The following RIMS2 variants were observed in gnomAD, a reference collection of about 807,000 sequenced individuals.
RIMS2 encodes the protein regulating synaptic membrane exocytosis protein 2.
A neutral mutation model predicts 174.4 loss-of-function variants in RIMS2; 59 were observed. The ratio of observed to expected loss-of-function variants is 0.34; its 90% CI spans 0.27 to 0.42. The LOEUF (loss-of-function observed/expected upper bound fraction) is 0.42, where lower values mean the gene tolerates loss of function less well. RIMS2 is among the 10% of genes least tolerant of loss of function. The probability of loss-of-function intolerance (pLI) is 1.00; values close to 1 mark genes in which losing one functional copy is unlikely to be tolerated. For missense variants in RIMS2, 1,620 were observed against 1,666.3 expected (o/e 0.97, Z 0.48); for synonymous variants, 606 against 572.5 (o/e 1.06, Z -0.84).
At chr8:103,553,719 A>C (rs1177564144) in intron 1 of RIMS2, among the ~76,000 whole-genome samples, 1 of 152,086 alleles carries the variant, frequency 6.6e-6, no homozygotes, top group Non-Finnish European at 1.5e-5. Flanking sequence ...ATTCATATGG[A>C]ACCAAAAAAG....
At chr8:103,684,791 T>C (rs1311572904) in intron 1 of RIMS2, among the ~76,000 whole-genome samples, 4 of 151,958 alleles carry the variant, frequency 2.6e-5, no homozygotes. Flanking sequence ...TTCCCTATGT[T>C]GGCCAGGTTG....
Position 104,013,587 on chromosome 8 carries a change from G to A in RIMS2, c.3190G>A (p.Gly1064Arg), listed in dbSNP as rs768551592. Reference sequence around the variant, plus strand: ...GAGGTCGATGCCTTCATTAATGACTGGAAGATCTGCCCCTCCTTCACCTGC... The same window carrying A: ...GAGGTCGATGCCTTCATTAATGACTAGAAGATCTGCCCCTCCTTCACCTGC... Residue 1064 changes from glycine (G) to arginine (R), a missense_variant, in exon 18 of 24, where the codon GGA (glycine) becomes AGA (arginine). This residue lies in a region of RIMS2 where 1,395 missense variants were observed against 1,360.1 expected (regional missense o/e 1.03). Coordinates refer to ENST00000504942, the Ensembl canonical transcript of RIMS2. The A allele has an allele frequency of 4.3e-6, 7 of 1,613,680 alleles. No homozygotes were observed. In the South Asian group the frequency reaches 7.7e-5, roughly 18 times the overall value.
At chr8:104,023,288 C>CTT (rs77488661) in intron 19 of RIMS2, among the ~76,000 whole-genome samples, 4 of 145,416 alleles carry the variant, frequency 2.8e-5, no homozygotes, top group Non-Finnish European at 1.5e-5. Context: ...CACAATACCA[C>CTT]TTTTTTTTTT....
chr8:103,661,152 G>C (rs2136086671), intron 1 of RIMS2, among the ~76,000 whole-genome samples: 1 of 152,286 alleles, frequency 6.6e-6, no homozygotes, highest in South Asian at 2.1e-4. Flanking sequence ...GTTCTGTATT[G>C]TTTTGCTCAA....
intron 3 of RIMS2, chr8:103,768,188 T>C (rs2098201317): frequency 8.0e-6 from 3 of 376,030 alleles, no homozygotes; most frequent in Non-Finnish European, 1.5e-5. Context: ...CCAGTGGAGA[T>C]AGAATTTTTA....
intron 2 of RIMS2, among the ~76,000 whole-genome samples, chr8:103,705,833 TC>T: frequency 6.6e-6 from 1 of 151,728 alleles, no homozygotes. Flanking sequence ...TATATTTGGA[TC>T]TTTTTTTTTT....
chr8:103,567,259 T>C (rs2092435093), intron 1 of RIMS2, among the ~76,000 whole-genome samples: 2 of 152,172 alleles, frequency 1.3e-5, no homozygotes, highest in African/African-American at 4.8e-5. Context: ...CTATCCAGTT[T>C]TGGAATATTT....
At chr8:104,236,816 A>T (rs2099261420) in intron 19 of RIMS2, among the ~76,000 whole-genome samples, 1 of 152,134 alleles carries the variant, frequency 6.6e-6, no homozygotes, top group Non-Finnish European at 1.5e-5. Flanking sequence ...GTAATGTGGT[A>T]TCCTGGATCA....
chr8:103,913,794 C>T (rs768047877), intron 6 of RIMS2, among the ~76,000 whole-genome samples: 6 of 152,006 alleles, frequency 3.9e-5, no homozygotes, highest in Non-Finnish European at 7.4e-5. Flanking sequence ...TTTAAATGAC[C>T]AGATCTTGCA....
At chr8:103,619,239 T>C (rs1319309922) in intron 1 of RIMS2, among the ~76,000 whole-genome samples, 1 of 150,650 alleles carries the variant, frequency 6.6e-6, no homozygotes, top group Non-Finnish European at 1.5e-5. Context: ...TAGTAAAATT[T>C]ATTAGTGTCT....
intron 15 of RIMS2, among the ~76,000 whole-genome samples, chr8:103,972,103 G>A (rs1217166240): frequency 6.6e-6 from 1 of 151,990 alleles, no homozygotes; most frequent in Non-Finnish European, 1.5e-5. Context: ...ACTCCCAAAT[G>A]TATATCTCCA....
intron 19 of RIMS2, among the ~76,000 whole-genome samples, chr8:104,106,915 ATTGTTAGATGCCATAACAT>A (rs2098080794): frequency 6.6e-6 from 1 of 152,160 alleles, no homozygotes; most frequent in East Asian, 1.9e-4. Flanking sequence ...CATGAGTATT[ATTGTTAGATGCCATAACAT>A]CAGTATAGTG....
chr8:104,120,607 G>T (rs1350656104), intron 19 of RIMS2, among the ~76,000 whole-genome samples: 3 of 151,990 alleles, frequency 2.0e-5, no homozygotes, highest in Non-Finnish European at 2.9e-5. Context: ...TCATTATTTT[G>T]GTTCATTTTA....
intron 19 of RIMS2, among the ~76,000 whole-genome samples, chr8:104,055,158 C>T (rs2096848354): frequency 6.6e-6 from 1 of 152,000 alleles, no homozygotes; most frequent in Admixed American, 6.5e-5. Flanking sequence ...GCCTCTTTGT[C>T]TGCCTGACAT....
chr8:103,913,019 C>A (rs1471893816), intron 6 of RIMS2, among the ~76,000 whole-genome samples: 2 of 141,208 alleles, frequency 1.4e-5, no homozygotes, highest in Admixed American at 1.5e-4. Context: ...ATGTCCCAGG[C>A]TGGAGTGCAG....
intron 1 of RIMS2, among the ~76,000 whole-genome samples, chr8:103,671,853 A>G (rs1236670702): frequency 6.6e-6 from 1 of 152,208 alleles, no homozygotes; most frequent in Non-Finnish European, 1.5e-5. Context: ...TAACTCAAAG[A>G]GGGTAAAACA....
chr8:104,255,700 A>G (rs910943598), downstream of RIMS2: 1 of 152,240 alleles, frequency 6.6e-6, no homozygotes, highest in Non-Finnish European at 1.5e-5. Flanking sequence ...CTGTGCACGT[A>G]AAAATCATGT....
intron 1 of RIMS2, among the ~76,000 whole-genome samples, chr8:103,579,474 G>C (rs2093472302): frequency 6.6e-6 from 1 of 152,098 alleles, no homozygotes; most frequent in African/African-American, 2.4e-5. Context: ...AAGCTCAAAA[G>C]ACAGATCTAA....
chr8:103,780,326 G>A (rs1420208027), intron 3 of RIMS2, among the ~76,000 whole-genome samples: 1 of 152,040 alleles, frequency 6.6e-6, no homozygotes, highest in Non-Finnish European at 1.5e-5. Flanking sequence ...TTTCTTTGAA[G>A]CTTTTACCTT....
Sources: gnomAD v4.1 joint callset for allele counts (sites outside exome capture counted in the v4.1 genomes callset) on GRCh38, gnomAD v4.1.1 for gene constraint, gnomAD v4.1.1 regional missense constraint, MANE v1.5 for transcripts, NCBI Gene and HGNC (gene_info 2026-07-23, HGNC 2026-07-21) for gene names.